The following INTS8 variants were observed in gnomAD, a reference collection of about 807,000 sequenced individuals.
The protein encoded by INTS8 is integrator complex subunit 8.
INTS8 carries 47 observed loss-of-function variants against 138.9 expected under a neutral mutation model. The ratio of observed to expected loss-of-function variants is 0.34; its 90% CI spans 0.27 to 0.43. The LOEUF is 0.43. Among genes scored for constraint, INTS8 ranks in the 20% least tolerant of loss-of-function variants. INTS8 has a pLI of 1.00. For missense variants in INTS8, 996 were observed against 1,173.0 expected, an observed-to-expected ratio of 0.85 and a Z score of 2.20; for synonymous variants, 392 against 400.9, an observed-to-expected ratio of 0.98 and a Z score of 0.27.
chr8:94,867,258 T>TTTTTTACACAAAGTAAAA lies in INTS8; in HGVS notation c.2353-13_2353-12insACACAAAGTAAAATTTTT. The TTTTTTACACAAAGTAAAA allele has an allele frequency of 6.2e-7, 1 of 1,603,192 alleles. No homozygotes were observed. The highest frequency in any genetic ancestry group is 8.5e-7 in the Non-Finnish European group (1 of 1,175,424). On this transcript the variant is annotated splice_polypyrimidine_tract_variant and intron_variant, in intron 19 of 26. Coordinates refer to ENST00000523731, the MANE Select transcript of INTS8 (RefSeq NM_017864.4). ...AGAAATTTCTTTGTAAATCACACCT[T>TTTTTTACACAAAGTAAAA]TTTTTTTCTTTTTAAAGGAGGACAT... is the stretch of plus-strand genomic sequence containing the variant.
chr8:94,850,182 T>C, intron 12 of INTS8, 91 bp downstream of exon 12: 5 of 858,892 alleles, frequency 5.8e-6, no homozygotes, highest in Non-Finnish European at 9.0e-6. Context: ...TTCTCTCTTG[T>C]TTTAATTAAC....
At chr8:94,877,267 ATCTTT>A (rs1454034299) in intron 26 of INTS8, among the ~76,000 whole-genome samples, 5 of 152,200 alleles carry the variant, frequency 3.3e-5, no homozygotes, top group Non-Finnish European at 7.3e-5. Flanking sequence ...ATCACCACAG[ATCTTT>A]TCTTTGCTCT....
At chr8:94,864,284 G>A (rs1166754726) in intron 16 of INTS8, among the ~76,000 whole-genome samples, 1 of 152,108 alleles carries the variant, frequency 6.6e-6, no homozygotes, top group Non-Finnish European at 1.5e-5. Context: ...GCCTTAAGCA[G>A]TAGGGACCCC....
At chr8:94,866,891 C>T (rs2131061993) in intron 18 of INTS8, 4 of 402,698 alleles carry the variant, frequency 9.9e-6, no homozygotes, top group South Asian at 5.9e-5. Context: ...AGGAGTTGAG[C>T]GTGGAGATAG....
At chr8:94,824,389 C>T (rs1814401982) in intron 1 of INTS8, among the ~76,000 whole-genome samples, 2 of 152,096 alleles carry the variant, frequency 1.3e-5, no homozygotes, top group Admixed American at 6.5e-5. Flanking sequence ...GAGTGCTTTC[C>T]GGGTGCCATG....
intron 16 of INTS8, among the ~76,000 whole-genome samples, chr8:94,862,225 A>T (rs991453951): frequency 4.6e-5 from 7 of 152,188 alleles, no homozygotes; most frequent in African/African-American, 1.7e-4. Flanking sequence ...TACAGGCATA[A>T]GCCACCGTGC....
In INTS8 at chr8:94,856,868, T is replaced by A. The variant is rs371431625; in HGVS notation, c.1844T>A (p.Met615Lys). Residue 615 changes from methionine (M) to lysine (K), a missense_variant, in exon 15 of 27, where the codon ATG becomes AAG. Coordinates refer to ENST00000523731, the MANE Select transcript of INTS8 (RefSeq NM_017864.4). Reference sequence around the variant, plus strand: ...CTTCGTCAGGTCATGCTGAATGAGATGTTGCTTTTGGATATTCATACACAC... The same window carrying A: ...CTTCGTCAGGTCATGCTGAATGAGAAGTTGCTTTTGGATATTCATACACAC... ...PKLRQVMLNEMLLLDIHTHEA... is the reference protein window; with the variant it reads ...PKLRQVMLNEKLLLDIHTHEA... The A allele has an allele frequency of 5.6e-6, 9 of 1,614,002 alleles. No homozygotes were observed. The highest frequency in any genetic ancestry group is 7.6e-6 in the Non-Finnish European group (9 of 1,180,012).
At chr8:94,838,440 G>A in intron 7 of INTS8, 23 bp from the exon 8 acceptor site, 2 of 1,577,578 alleles carry the variant, frequency 1.3e-6, no homozygotes, top group Non-Finnish European at 1.7e-6. Context: ...AATGGATAAT[G>A]GTGTATACCT....
intron 6 of INTS8, 36 bp downstream of exon 6, chr8:94,832,210 T>A (rs17719449): frequency 0.062 from 95,515 of 1,548,578 alleles, 3,302 homozygotes; most frequent in Non-Finnish European, 0.071. Context: ...TAGGGCAATT[T>A]TTTGGAAAAT....
chr8:94,868,778 C>T (rs1479222917), intron 20 of INTS8: 1 of 151,882 alleles, frequency 6.6e-6, no homozygotes, highest in African/African-American at 2.4e-5. Context: ...TCAAGCGATT[C>T]TCATGCCTCA....
chr8:94,854,791 G>T (rs1005476596), intron 14 of INTS8, among the ~76,000 whole-genome samples: 5 of 152,178 alleles, frequency 3.3e-5, no homozygotes, highest in African/African-American at 4.8e-5. Flanking sequence ...GGGTGCAGTG[G>T]CATGATCATG....
intron 1 of INTS8, among the ~76,000 whole-genome samples, chr8:94,823,767 C>T (rs1210757636): frequency 1.3e-5 from 2 of 152,240 alleles, no homozygotes; most frequent in Non-Finnish European, 2.9e-5. Flanking sequence ...CTCTCCTACC[C>T]CCGGAGGGGA....
intron 17 of INTS8, 77 bp from the exon 18 acceptor site, chr8:94,866,078 CCTT>C (rs1816166300): frequency 1.6e-6 from 1 of 630,526 alleles, no homozygotes; most frequent in African/African-American, 1.9e-5. Context: ...TAAGAATAAA[CCTT>C]CACCTATAAT....
At chr8:94,841,415 A>G in intron 8 of INTS8, 76 bp from the exon 9 acceptor site, 3 of 616,072 alleles carry the variant, frequency 4.9e-6, no homozygotes, top group Non-Finnish European at 5.7e-6. Flanking sequence ...ATTTTCCATT[A>G]TAGAAAGACT....
chr8:94,844,725 C>A (rs1205680662), intron 10 of INTS8, among the ~76,000 whole-genome samples: 4 of 149,294 alleles, frequency 2.7e-5, no homozygotes, highest in Non-Finnish European at 5.9e-5. Flanking sequence ...TTGCAGATAT[C>A]TTCACTGAGT....
chr8:94,875,363 C>G (rs1021848299), intron 23 of INTS8, among the ~76,000 whole-genome samples: 13 of 152,108 alleles, frequency 8.5e-5, no homozygotes, highest in African/African-American at 1.7e-4. Context: ...GTGAAAGAAG[C>G]TAGACACAAA....
chr8:94,849,946 G>T lies in INTS8; in HGVS notation c.1362G>T (p.Gln454His). The T allele has an allele frequency of 6.2e-7, 1 of 1,612,676 alleles. No individual in the cohort carries two copies. The highest frequency in any genetic ancestry group is 8.5e-7 in the Non-Finnish European group (1 of 1,179,248). Reference sequence around the variant, plus strand: ...TGTGTCTGGGGTTGGAAGATCTGCAGTATGTTTTCATGATTTCTTCACATG... The same window carrying T: ...TGTGTCTGGGGTTGGAAGATCTGCATTATGTTTTCATGATTTCTTCACATG... ...KNVCLGLEDL[Q>H]YVFMISSHEL... is the part of the protein sequence containing the mutation. The change falls in exon 12 of 27, where the codon CAG becomes CAT. Residue 454 changes from glutamine (Q) to histidine (H), a missense_variant. Physicochemically the swap from Gln to His is conservative, Grantham distance 24 (BLOSUM62 0). Transcript: ENST00000523731.
chr8:94,855,346 G>T (rs933889982), intron 14 of INTS8, among the ~76,000 whole-genome samples: 1 of 152,166 alleles, frequency 6.6e-6, no homozygotes, highest in Non-Finnish European at 1.5e-5. Flanking sequence ...TTTTGAAAAT[G>T]TATGTGCTAA....
intron 25 of INTS8, 45 bp from the exon 26 acceptor site, chr8:94,876,398 CATT>C: frequency 7.1e-7 from 1 of 1,402,230 alleles, no homozygotes; most frequent in Admixed American, 1.9e-5. Context: ...GAGATTCTCT[CATT>C]ATATTTAATA....
Sources: gnomAD v4.1 joint callset for allele counts (sites outside exome capture counted in the v4.1 genomes callset) on GRCh38, gnomAD v4.1.1 for gene constraint, MANE v1.5 for transcripts, NCBI Gene and HGNC (gene_info 2026-07-23, HGNC 2026-07-21) for gene names.